The following ANO6 variants were observed in gnomAD, a reference collection of about 807,000 sequenced individuals.
ANO6 encodes the protein anoctamin 6.
A neutral mutation model predicts 117.5 loss-of-function variants in ANO6; 106 were observed. That is an observed-to-expected ratio of 0.90 (90% CI 0.77 to 1.06). The LOEUF is 1.06. ANO6 is among the 50% of genes least tolerant of loss of function. The pLI is 0.00. For synonymous variants in ANO6, 367 were observed against 385.1 expected (o/e 0.95, Z 0.55); for missense variants, 955 against 1,121.1 (o/e 0.85, Z 2.12).
In ANO6 at chr12:45,432,346, A is replaced by C; in HGVS notation, c.*3035A>C. 1 of 829,270 alleles carries C rather than the reference A, an allele frequency of 1.2e-6. No individual in the cohort carries two copies. The highest frequency in any genetic ancestry group is 5.7e-5 in the South Asian group (1 of 17,488). 51.4% of individuals were successfully genotyped at this position (829,270 alleles called of 1,614,324 possible). The stretch of plus-strand genomic sequence containing the variant: ...CATTTTAATAAATTCATTTTTACAA[A>C]CAATAGTATGGTCTATTCTATATTG... On this transcript the variant is annotated 3_prime_UTR_variant, in exon 20 of 20. Transcript: ENST00000320560.
rs758909661 is a variant in ANO6, at chr12:45,416,846, A to G, written c.2159A>G (p.Asp720Gly). 66 of 1,614,082 alleles carry G rather than the reference A, an allele frequency of 4.1e-5. No individual in the cohort carries two copies. Among genetic ancestry groups the G allele is most frequent in the Non-Finnish European group, 3.9e-5 (46 of 1,180,040 alleles). ...CGCCTGGTACCAGAGAAAGCCCAAG[A>G]CATTGGAGCATGGCAGCCCATCATG... is the stretch of plus-strand genomic sequence containing the variant. ...FRRLVPEKAQ[D>G]IGAWQPIMQG... is the part of the protein sequence containing the mutation. Residue 720 changes from aspartate to glycine, a missense_variant, in exon 17 of 20, where the codon GAC becomes GGC. By Grantham distance (94) the Asp-to-Gly change is moderately conservative. Coordinates refer to ENST00000320560, the MANE Select transcript of ANO6 (RefSeq NM_001025356.3).
intron 1 of ANO6, among the ~76,000 whole-genome samples, chr12:45,288,908 C>T (rs531590655): frequency 1.4e-4 from 21 of 151,366 alleles, no homozygotes; most frequent in East Asian, 9.8e-4. Context: ...CCACCACGCC[C>T]GGCTAATTTT....
intron 1 of ANO6, among the ~76,000 whole-genome samples, chr12:45,252,578 C>T (rs148781121): frequency 6.6e-6 from 1 of 152,120 alleles, no homozygotes; most frequent in Admixed American, 6.5e-5. Context: ...TAAAATTTGG[C>T]TGACAATCAG....
intron 7 of ANO6, among the ~76,000 whole-genome samples, chr12:45,355,796 C>T (rs187776917): frequency 5.2e-4 from 79 of 152,268 alleles, no homozygotes; most frequent in Non-Finnish European, 1.0e-3. Context: ...CAGACCTTCC[C>T]TGTGAGTGCT....
intron 7 of ANO6, among the ~76,000 whole-genome samples, chr12:45,355,270 A>C (rs1357024734): frequency 6.6e-6 from 1 of 152,166 alleles, no homozygotes; most frequent in African/African-American, 2.4e-5. Context: ...AGGAATCCTC[A>C]TTATTTCCAG....
At chr12:45,308,372 TAGG>T (rs1555167588) in intron 2 of ANO6, among the ~76,000 whole-genome samples, 1 of 151,968 alleles carries the variant, frequency 6.6e-6, no homozygotes, top group Non-Finnish European at 1.5e-5. Context: ...GTAGATTTGA[TAGG>T]AGATTGCGGA....
chr12:45,425,796 A>G (rs1175673302), intron 19 of ANO6, among the ~76,000 whole-genome samples: 1 of 152,228 alleles, frequency 6.6e-6, no homozygotes, highest in Non-Finnish European at 1.5e-5. Flanking sequence ...CCTAAATCCT[A>G]AAATCAGACA....
At chr12:45,284,205 T>C (rs1293889939) in intron 1 of ANO6, among the ~76,000 whole-genome samples, 1 of 152,244 alleles carries the variant, frequency 6.6e-6, no homozygotes, top group Non-Finnish European at 1.5e-5. Flanking sequence ...CAGCAAGGCC[T>C]GTGTGTCCAG....
intron 1 of ANO6, chr12:45,228,183 G>A (rs1468017899): frequency 2.3e-6 from 1 of 437,748 alleles, no homozygotes; most frequent in Non-Finnish European, 4.5e-6. Flanking sequence ...AAGTGCAGTA[G>A]TGGAGTAGCG....
At chr12:45,315,230 T>C (rs1364918077) in intron 2 of ANO6, among the ~76,000 whole-genome samples, 10 of 152,070 alleles carry the variant, frequency 6.6e-5, no homozygotes. Flanking sequence ...GAATTTTTAA[T>C]TAATTCTTAT....
At chr12:45,327,650 A>G (rs1476997224) in intron 2 of ANO6, among the ~76,000 whole-genome samples, 1 of 152,160 alleles carries the variant, frequency 6.6e-6, no homozygotes, top group Non-Finnish European at 1.5e-5. Context: ...ATAATATGGT[A>G]TCATTTTGGT....
intron 7 of ANO6, among the ~76,000 whole-genome samples, chr12:45,356,562 A>T (rs572753335): frequency 6.6e-6 from 1 of 152,364 alleles, no homozygotes; most frequent in East Asian, 1.9e-4. Flanking sequence ...AGCTAAAGAA[A>T]AGAATGTTAT....
intron 1 of ANO6, among the ~76,000 whole-genome samples, chr12:45,273,938 C>G (rs1938467258): frequency 6.6e-6 from 1 of 152,204 alleles, no homozygotes; most frequent in South Asian, 2.1e-4. Context: ...CCTCCCAGAA[C>G]TTTCTCTTGG....
At position 45,378,042 on chromosome 12, in the gene ANO6, A is replaced by C; in HGVS notation, c.1105-11A>C. 1.2e-6 allele frequency: 2 copies of C among 1,608,342 alleles called. No individual in the cohort carries two copies. The highest frequency in any genetic ancestry group is 4.5e-5 in the East Asian group (2 of 44,772). ...GATATGACTCATTTATATGTCATTTATATTTTCCAGAAATTGTGCATCTTC... is the reference window on the plus strand; with the variant it reads ...GATATGACTCATTTATATGTCATTTCTATTTTCCAGAAATTGTGCATCTTC... On this transcript the variant is annotated splice_polypyrimidine_tract_variant and intron_variant, in intron 9 of 19. Transcript: ENST00000320560.
intron 8 of ANO6, among the ~76,000 whole-genome samples, chr12:45,361,700 T>C (rs990355631): frequency 3.9e-5 from 6 of 152,134 alleles, no homozygotes; most frequent in African/African-American, 1.4e-4. Flanking sequence ...AATCATGGAA[T>C]GATGTTGGAT....
chr12:45,364,223 C>A (rs1210767437), intron 8 of ANO6, among the ~76,000 whole-genome samples: 3 of 152,142 alleles, frequency 2.0e-5, no homozygotes, highest in Non-Finnish European at 4.4e-5. Flanking sequence ...TATCATCATT[C>A]TTTGCCATGA....
At chr12:45,235,586 G>A (rs2137149789) in intron 1 of ANO6, among the ~76,000 whole-genome samples, 1 of 152,300 alleles carries the variant, frequency 6.6e-6, no homozygotes, top group South Asian at 2.1e-4. Context: ...AGCAGAACTA[G>A]CAAGGAGGCT....
chr12:45,390,698 T>C (rs1942426019), intron 12 of ANO6, among the ~76,000 whole-genome samples, 200 bp downstream of exon 12: 1 of 152,186 alleles, frequency 6.6e-6, no homozygotes, highest in Admixed American at 6.5e-5. Context: ...AGATACCTTA[T>C]CTGTTCACAG....
rs1451040186 is a variant in ANO6, at chr12:45,374,655, C to T, written c.1105-3398C>T. On this transcript the variant is annotated intron_variant, in intron 9 of 19. Transcript: ENST00000320560. ...AAGGCCTTTGACAAAATTCAACAAC[C>T]CTTCATGCTAAAAACTCTCAATAAA... 5.0e-4 allele frequency among the ~76,000 whole-genome samples: 63 copies of T among 125,114 alleles called. 1 individual carries two copies. Among genetic ancestry groups the T allele is most frequent in the African/African-American group, 1.4e-3 (46 of 32,106 alleles). The allele number at this position is 125,114 out of a possible 152,430, so 82.1% of individuals were successfully genotyped here. A position where few individuals can be genotyped will look rare whatever the true frequency, so the allele number is the denominator to read the frequency against.
Sources: gnomAD v4.1 joint callset for allele counts (sites outside exome capture counted in the v4.1 genomes callset) on GRCh38, gnomAD v4.1.1 for gene constraint, MANE v1.5 for transcripts, NCBI Gene and HGNC (gene_info 2026-07-23, HGNC 2026-07-21) for gene names.